The following HLTF variants were observed in gnomAD, a reference collection of about 807,000 sequenced individuals.
The protein encoded by HLTF is DNA-dependent ATPase/E3 ubiquitin-protein ligase HLTF.
A neutral mutation model predicts 129.4 loss-of-function variants in HLTF; 127 were observed. The observed-to-expected ratio is 0.98, with a 90% confidence interval of 0.85 to 1.14. HLTF has a LOEUF of 1.14. Among genes scored for constraint, HLTF ranks in the 50% most tolerant of loss-of-function variants. The probability of loss-of-function intolerance (pLI) is 0.00; values close to 1 mark genes in which losing one functional copy is unlikely to be tolerated. For missense variants in HLTF, 1,139 were observed against 1,187.1 expected, an observed-to-expected ratio of 0.96 and a Z score of 0.60; for synonymous variants, 332 against 388.8, an observed-to-expected ratio of 0.85 and a Z score of 1.72.
intron 7 of HLTF, among the ~76,000 whole-genome samples, chr3:149,070,077 T>C (rs1379947726): frequency 6.6e-6 from 1 of 151,726 alleles, no homozygotes; most frequent in Non-Finnish European, 1.5e-5. Context: ...GATACACAAA[T>C]AGATTTTAAC....
chr3:149,079,250 C>T (rs940602974), intron 2 of HLTF, among the ~76,000 whole-genome samples: 6 of 151,446 alleles, frequency 4.0e-5, no homozygotes, highest in Non-Finnish European at 7.4e-5. Flanking sequence ...CTACTCTACA[C>T]ATATAAGAAG....
intron 15 of HLTF, 101 bp from the exon 16 acceptor site, chr3:149,049,102 A>C: frequency 1.3e-6 from 1 of 764,580 alleles, no homozygotes; most frequent in Non-Finnish European, 2.1e-6. Context: ...TATCAAATTT[A>C]CTATGTGCTA....
rs202070384 is a variant in HLTF, at chr3:149,074,203, C to G, written c.529+12G>C. The G allele has an allele frequency of 6.2e-7, 1 of 1,607,896 alleles. No individual in the cohort carries two copies. Reference sequence around the variant, plus strand: ...AATATCAGAATAATATTAAGTGAAACCCTAAACTTACTTTTTGGTGCAGGA... The same window carrying G: ...AATATCAGAATAATATTAAGTGAAAGCCTAAACTTACTTTTTGGTGCAGGA... On this transcript the variant is annotated intron_variant, in intron 4 of 24. Coordinates refer to ENST00000310053, the MANE Select transcript of HLTF (RefSeq NM_003071.4).
At position 149,041,469 on chromosome 3, in the gene HLTF, T is replaced by C. The variant is rs117586729; in HGVS notation, c.2376+21A>G. On this transcript the variant is annotated intron_variant, in intron 20 of 24. Transcript: ENST00000310053. The stretch of plus-strand genomic sequence containing the variant: ...ACACTACTCTATCAAACACTGAACC[T>C]GTACTGAGCAAAAAACTAACCTGCT... The C allele has an allele frequency of 8.8e-6, 14 of 1,593,640 alleles. No individual in the cohort carries two copies. The East Asian group carries it at 2.7e-4, about 31-fold the overall frequency.
At position 149,034,898 on chromosome 3, in the gene HLTF, T is replaced by C. The variant is rs376018792; in HGVS notation, c.2877+20A>G. The C allele has an allele frequency of 1.5e-5, 23 of 1,531,000 alleles. No individual in the cohort carries two copies. In the African/African-American group the frequency reaches 2.6e-4, roughly 17 times the overall value. 94.8% of individuals were successfully genotyped at this position (1,531,000 alleles called of 1,614,324 possible). ...AAATCGTATCAACCTAGTCTTAAAA[T>C]AGTTTGTTTAAAAACTCACTTTTGT... On this transcript the variant is annotated intron_variant, in intron 24 of 24. Coordinates refer to ENST00000310053, the MANE Select transcript of HLTF (RefSeq NM_003071.4).
chr3:149,031,701 T>C lies in HLTF; in HGVS notation c.*519A>G, dbSNP rs1160757536. 1 of 152,236 alleles carries C rather than the reference T, an allele frequency of 6.6e-6. No individual in the cohort carries two copies. The highest frequency in any genetic ancestry group is 6.5e-5 in the Admixed American group (1 of 15,290). The allele number at this position is 152,236 out of a possible 1,614,324, so 9.4% of individuals were successfully genotyped here. A position where few individuals can be genotyped will look rare whatever the true frequency, so the allele number is the denominator to read the frequency against. ...AATAAAAACCTGTGCTAACCTGGAC[T>C]TTGGTCTCATTTAAGATTTGGTTCT... On this transcript the variant is annotated 3_prime_UTR_variant, in exon 25 of 25. Transcript: ENST00000310053.
intron 1 of HLTF, 67 bp from the exon 2 acceptor site, chr3:149,084,956 G>T: frequency 9.3e-7 from 1 of 1,079,328 alleles, no homozygotes; most frequent in Non-Finnish European, 1.4e-6. Context: ...CATATGAGTA[G>T]TTTTCTCATG....
At chr3:149,061,608 G>A (rs1354009281) in intron 10 of HLTF, among the ~76,000 whole-genome samples, 1 of 151,716 alleles carries the variant, frequency 6.6e-6, no homozygotes, top group Non-Finnish European at 1.5e-5. Context: ...GGCGGAGGTG[G>A]GCAGATCACC....
intron 17 of HLTF, among the ~76,000 whole-genome samples, chr3:149,046,760 T>C (rs920489826): frequency 2.0e-5 from 3 of 152,120 alleles, no homozygotes; most frequent in Admixed American, 2.0e-4. Context: ...AAAAAGATAA[T>C]ATGGTAATTC....
intron 17 of HLTF, among the ~76,000 whole-genome samples, chr3:149,047,657 T>C (rs1178338823): frequency 6.6e-6 from 1 of 151,718 alleles, no homozygotes; most frequent in Non-Finnish European, 1.5e-5. Flanking sequence ...AATAAATACA[T>C]AAATAAATAA....
At chr3:149,063,628 T>A in intron 9 of HLTF, 104 bp from the exon 10 acceptor site, 1 of 654,596 alleles carries the variant, frequency 1.5e-6, no homozygotes, top group Non-Finnish European at 2.7e-6. Context: ...TTTTCAGTTT[T>A]CTTAAGATCT....
At chr3:149,079,421 A>G (rs1369846494) in intron 2 of HLTF, among the ~76,000 whole-genome samples, 10 of 149,694 alleles carry the variant, frequency 6.7e-5, no homozygotes, top group African/African-American at 2.4e-4. Context: ...AATTATTTAA[A>G]AAAATAAAAA....
At chr3:149,058,951 C>G (rs1211306726) in intron 13 of HLTF, among the ~76,000 whole-genome samples, 1 of 152,102 alleles carries the variant, frequency 6.6e-6, no homozygotes, top group Non-Finnish European at 1.5e-5. Flanking sequence ...AATAATCCAC[C>G]CAACATGCCT....
Position 149,059,796 on chromosome 3 carries a change from T to C in HLTF, c.1297A>G (p.Lys433Glu), listed in dbSNP as rs756028921. The C allele has an allele frequency of 3.8e-6, 6 of 1,593,354 alleles. No individual in the cohort carries two copies. Among genetic ancestry groups the C allele is most frequent in the South Asian group, 3.5e-5 (3 of 86,416 alleles). ...TKGRAKAGSS[K>E]VIEDVAFACA... is the part of the protein sequence containing the mutation. ...GCAAATGCCACATCTTCTATAACCT[T>C]AGAAGATCCTGCTGATAAAACAACA... is the stretch of plus-strand genomic sequence containing the variant. The change falls in exon 13 of 25, where the codon AAG becomes GAG. Residue 433 changes from lysine (K) to glutamate (E), a missense_variant. Coordinates refer to ENST00000310053, the MANE Select transcript of HLTF (RefSeq NM_003071.4).
At chr3:149,069,025 C>G (rs1025936733) in intron 7 of HLTF, among the ~76,000 whole-genome samples, 5 of 152,140 alleles carry the variant, frequency 3.3e-5, no homozygotes, top group Admixed American at 3.3e-4. Flanking sequence ...AGACCTTACT[C>G]TGTTAACATC....
At chr3:149,058,816 T>C (rs1717684894) in intron 13 of HLTF, among the ~76,000 whole-genome samples, 1 of 152,340 alleles carries the variant, frequency 6.6e-6, no homozygotes, top group South Asian at 2.1e-4. Flanking sequence ...AGCTGTGACT[T>C]TGAAAATGTT....
intron 18 of HLTF, among the ~76,000 whole-genome samples, chr3:149,044,343 G>A (rs760476126): frequency 6.6e-6 from 1 of 152,048 alleles, no homozygotes; most frequent in Non-Finnish European, 1.5e-5. Context: ...TTTTCAAATA[G>A]AATAACCTTT....
At position 149,046,138 on chromosome 3, in the gene HLTF, C is replaced by T. The variant is rs766002591; in HGVS notation, c.2014G>A (p.Asp672Asn). ...GACTGATAAATCTTTCTCTCTTCAT[C>T]TGAAAGTGTAATGTGCTGAATAAAT... is the stretch of plus-strand genomic sequence containing the variant. The part of the protein sequence containing the change: ...KVFIQHITLS[D>N]EERKIYQSVK... The change falls in exon 18 of 25, where the codon GAT becomes AAT. Residue 672 changes from aspartate (D) to asparagine (N), a missense_variant. By Grantham distance (23) the Asp-to-Asn change is conservative. Transcript: ENST00000310053. The T allele has an allele frequency of 2.5e-6, 4 of 1,611,654 alleles. No individual in the cohort carries two copies. Among genetic ancestry groups the T allele is most frequent in the Non-Finnish European group, 3.4e-6 (4 of 1,178,750 alleles).
At chr3:149,056,212 TAATA>T (rs1486720288) in intron 13 of HLTF, among the ~76,000 whole-genome samples, 1 of 152,236 alleles carries the variant, frequency 6.6e-6, no homozygotes, top group African/African-American at 2.4e-5. Context: ...GTGTGTGAGA[TAATA>T]AATGTCTGAT....
Sources: gnomAD v4.1 joint callset for allele counts (sites outside exome capture counted in the v4.1 genomes callset) on GRCh38, gnomAD v4.1.1 for gene constraint, MANE v1.5 for transcripts, NCBI Gene and HGNC (gene_info 2026-07-23, HGNC 2026-07-21) for gene names.